Variants in CELF2 observed in about 807,000 individuals in gnomAD.
The protein encoded by CELF2 is CUG triplet repeat RNA-binding protein 2.
Under a neutral mutation model 62.6 loss-of-function variants are expected in CELF2, and 8 were observed. The observed-to-expected ratio is 0.13, with a 90% CI of 0.07 to 0.23. CELF2 has a LOEUF of 0.23. Ranked by LOEUF, CELF2 falls within the 10% of genes least tolerant of loss-of-function variation. CELF2 has a pLI of 1.00. For synonymous variants in CELF2, 258 were observed against 250.0 expected, an observed-to-expected ratio of 1.03 and a Z score of -0.30; for missense variants, 333 against 671.0, an observed-to-expected ratio of 0.50 and a Z score of 5.56.
At chr10:10,754,581 A>G in the CELF2 span, among the ~76,000 whole-genome samples, 1 of 152,206 alleles carries the variant, frequency 6.6e-6, no homozygotes, top group Admixed American at 6.5e-5. Flanking sequence ...TTAGAATTTC[A>G]TGATTTAAGG....
intron 1 of CELF2, among the ~76,000 whole-genome samples, chr10:11,149,161 C>T (rs1204751263): frequency 6.6e-6 from 1 of 152,152 alleles, no homozygotes; most frequent in Non-Finnish European, 1.5e-5. Context: ...ACTTCCACCT[C>T]CTGTGTTCAA....
At chr10:11,007,637 A>G (rs1464946277) in intron 1 of CELF2, among the ~76,000 whole-genome samples, 3 of 152,218 alleles carry the variant, frequency 2.0e-5, no homozygotes, top group Admixed American at 6.5e-5. Context: ...ACTGCTTTCA[A>G]GATGGGCTCA....
the CELF2 span, among the ~76,000 whole-genome samples, chr10:10,769,221 G>A: frequency 2.6e-5 from 4 of 152,222 alleles, no homozygotes; most frequent in Middle Eastern, 3.4e-3. Context: ...TCTATCAGGC[G>A]AGAGAAAATG....
At chr10:10,740,152 GCT>G in the CELF2 span, among the ~76,000 whole-genome samples, 1 of 42,844 alleles carries the variant, frequency 2.3e-5, no homozygotes, top group Non-Finnish European at 4.3e-5. Flanking sequence ...TGTTGCCTGT[GCT>G]TTTTTTTTTT....
chr10:10,702,176 A>G, the CELF2 span, among the ~76,000 whole-genome samples: 33 of 152,288 alleles, frequency 2.2e-4, no homozygotes, highest in African/African-American at 7.9e-4. Flanking sequence ...AAACAAAAAG[A>G]GGAGGAACAG....
intron 3 of CELF2, among the ~76,000 whole-genome samples, chr10:11,241,287 C>G (rs1477491310): frequency 1.3e-5 from 2 of 152,228 alleles, no homozygotes; most frequent in East Asian, 3.8e-4. Context: ...GCAACCTCTT[C>G]CTCCCAGGTT....
chr10:10,918,611 T>C (rs1029860118), intron 1 of CELF2, among the ~76,000 whole-genome samples: 1 of 152,174 alleles, frequency 6.6e-6, no homozygotes, highest in African/African-American at 2.4e-5. Context: ...TGTCCTTTGT[T>C]GAGAAGGAAG....
chr10:10,469,912 G>A, the CELF2 span, among the ~76,000 whole-genome samples: 2 of 151,882 alleles, frequency 1.3e-5, no homozygotes, highest in East Asian at 3.9e-4. Flanking sequence ...ATTCATCTGA[G>A]TAATCCCAAG....
chr10:10,879,432 A>G (rs2061314878), intron 1 of CELF2, among the ~76,000 whole-genome samples: 1 of 152,194 alleles, frequency 6.6e-6, no homozygotes, highest in Non-Finnish European at 1.5e-5. Flanking sequence ...AGAAAATCAA[A>G]TTGTTCAGAG....
the CELF2 span, among the ~76,000 whole-genome samples, chr10:10,537,874 T>C: frequency 1.3e-5 from 2 of 152,144 alleles, no homozygotes; most frequent in African/African-American, 4.8e-5. Context: ...TGACAGAACC[T>C]GCAAGTAGGC....
intron 1 of CELF2, among the ~76,000 whole-genome samples, chr10:11,050,122 C>G (rs868551466): frequency 6.6e-5 from 10 of 152,186 alleles, no homozygotes; most frequent in Admixed American, 5.2e-4. Context: ...GGTTTCCTGA[C>G]AAACTGGCCT....
At chr10:11,099,525 A>G (rs2050854900) in intron 1 of CELF2, among the ~76,000 whole-genome samples, 1 of 152,048 alleles carries the variant, frequency 6.6e-6, no homozygotes, top group East Asian at 1.9e-4. Flanking sequence ...TTAGAGATGG[A>G]TTAAAAAGGG....
intron 1 of CELF2, among the ~76,000 whole-genome samples, chr10:10,913,884 A>AAGGAAGGAAGGAAGGT (rs1243496249): frequency 7.8e-6 from 1 of 128,406 alleles, no homozygotes; most frequent in African/African-American, 3.0e-5. Flanking sequence ...GGAAGGAAGG[A>AAGGAAGGAAGGAAGGT]AGAAGGAAGG....
At chr10:10,819,475 C>T (rs560531142) in intron 1 of CELF2, among the ~76,000 whole-genome samples, 4 of 152,278 alleles carry the variant, frequency 2.6e-5, no homozygotes, top group African/African-American at 9.6e-5. Context: ...TAACCAGATC[C>T]AGTGGCCCAC....
chr10:10,559,068 A>T, the CELF2 span, among the ~76,000 whole-genome samples: 1 of 152,188 alleles, frequency 6.6e-6, no homozygotes, highest in Admixed American at 6.5e-5. Flanking sequence ...TAAATGTTTT[A>T]TGTGGCTACT....
At chr10:11,062,613 A>G (rs1169084833) in intron 1 of CELF2, among the ~76,000 whole-genome samples, 3 of 152,148 alleles carry the variant, frequency 2.0e-5, no homozygotes, top group African/African-American at 4.8e-5. Context: ...ATGGGACTGA[A>G]TTGCTGCAGT....
the CELF2 span, among the ~76,000 whole-genome samples, chr10:10,584,847 T>C: frequency 1.3e-5 from 2 of 152,170 alleles, no homozygotes. Flanking sequence ...ACGAAATGAA[T>C]TTTTAAGTTT....
At chr10:10,805,994 A>G (rs1463126098) in intron 1 of CELF2, among the ~76,000 whole-genome samples, 4 of 152,212 alleles carry the variant, frequency 2.6e-5, no homozygotes, top group African/African-American at 4.8e-5. Flanking sequence ...CTGTAAACTC[A>G]GTGTCTGAGG....
intron 2 of CELF2, among the ~76,000 whole-genome samples, chr10:10,976,031 G>A (rs2051301200): frequency 6.6e-6 from 1 of 152,244 alleles, no homozygotes; most frequent in African/African-American, 2.4e-5. Flanking sequence ...CCCTGGAAAG[G>A]GGTGGTAACT....
Sources: gnomAD v4.1 joint callset for allele counts (sites outside exome capture counted in the v4.1 genomes callset) on GRCh38, gnomAD v4.1.1 for gene constraint, MANE v1.5 for transcripts, NCBI Gene and HGNC (gene_info 2026-07-23, HGNC 2026-07-21) for gene names.